Variants in DNAJA1 observed in about 807,000 individuals in gnomAD.
DNAJA1 encodes the protein dnaJ homolog subfamily A member 1.
DNAJA1 carries 26 observed loss-of-function variants against 47.6 expected under a neutral mutation model. The observed-to-expected ratio is 0.55, with a 90% CI of 0.40 to 0.76. The LOEUF (loss-of-function observed/expected upper bound fraction) is 0.76, where lower values mean the gene tolerates loss of function less well. Among genes scored for constraint, DNAJA1 ranks in the 30% least tolerant of loss-of-function variants. The pLI, the probability that DNAJA1 is intolerant of heterozygous loss-of-function variation, is 0.00. For synonymous variants in DNAJA1, 165 were observed against 158.4 expected, an observed-to-expected ratio of 1.04 and a Z score of -0.31; for missense variants, 315 against 485.0, an observed-to-expected ratio of 0.65 and a Z score of 3.29.
chr9:33,033,334 A>AG (rs1360233144), intron 5 of DNAJA1, among the ~76,000 whole-genome samples: 1 of 152,066 alleles, frequency 6.6e-6, no homozygotes, highest in Non-Finnish European at 1.5e-5. Context: ...TGCTATCCTC[A>AG]GGGTATCCTC....
intron 5 of DNAJA1, among the ~76,000 whole-genome samples, chr9:33,032,652 A>G (rs1007273379): frequency 1.3e-5 from 2 of 152,230 alleles, no homozygotes; most frequent in Admixed American, 1.3e-4. Flanking sequence ...TGTATTCAGG[A>G]AAACCTAGCT....
chr9:33,032,668 T>A (rs577124540), intron 5 of DNAJA1, among the ~76,000 whole-genome samples: 15 of 152,350 alleles, frequency 9.8e-5, no homozygotes, highest in African/African-American at 3.6e-4. Flanking sequence ...TAGCTGAGTT[T>A]AATTGCTTCC....
At chr9:33,032,761 T>G (rs1046746271) in intron 5 of DNAJA1, among the ~76,000 whole-genome samples, 2 of 152,222 alleles carry the variant, frequency 1.3e-5, no homozygotes, top group Non-Finnish European at 2.9e-5. Flanking sequence ...TGATAGCGCT[T>G]TAAGTCCTTA....
Position 33,037,007 on chromosome 9 carries a change from G to A in DNAJA1, c.875-8G>A, listed in dbSNP as rs1564015075. On this transcript the variant is annotated splice_region_variant and splice_polypyrimidine_tract_variant and intron_variant, in intron 7 of 8. Coordinates refer to ENST00000330899, the MANE Select transcript of DNAJA1 (RefSeq NM_001539.4). ...ACTTAAGGAAGAACTTGGCTTCAAT[G>A]TTTTTAGGTCAGATTGTCAAGCATG... 6.2e-7 allele frequency: 1 copy of A among 1,603,116 alleles called. No homozygotes were observed. The highest frequency in any genetic ancestry group is 2.2e-5 in the East Asian group (1 of 44,804).
chr9:33,035,494 A>G (rs1022004490), intron 6 of DNAJA1, among the ~76,000 whole-genome samples: 1 of 151,994 alleles, frequency 6.6e-6, no homozygotes, highest in Non-Finnish European at 1.5e-5. Flanking sequence ...TTTGAGATGC[A>G]GTTTCGCTCA....
chr9:33,025,811 T>TC (rs1173819156), intron 1 of DNAJA1, among the ~76,000 whole-genome samples: 1 of 152,114 alleles, frequency 6.6e-6, no homozygotes, highest in African/African-American at 2.4e-5. Flanking sequence ...TTTCTCTGTT[T>TC]CCCCTCCCTT....
At chr9:33,026,756 T>A (rs1838870894) in intron 2 of DNAJA1, 57 bp from the exon 3 acceptor site, 1 of 1,593,634 alleles carries the variant, frequency 6.3e-7, no homozygotes, top group African/African-American at 1.4e-5. Context: ...AAGTGTAATG[T>A]AGCTAGGTAA....
chr9:33,035,799 A>C (rs541300313), intron 6 of DNAJA1, among the ~76,000 whole-genome samples: 1 of 152,248 alleles, frequency 6.6e-6, no homozygotes, highest in Non-Finnish European at 1.5e-5. Flanking sequence ...GGGTTGGAAA[A>C]GGAAAGTCTA....
chr9:33,026,544 A>G lies in DNAJA1; in HGVS notation c.60A>G (p.Glu20=), dbSNP rs368912664. 27 of 1,611,612 alleles carry G rather than the reference A, an allele frequency of 1.7e-5. No homozygotes were observed. Among genetic ancestry groups the G allele is most frequent in the Non-Finnish European group, 2.3e-5 (27 of 1,179,514 alleles). Residue 20 remains glutamate (E), a synonymous_variant, in exon 2 of 9, where the codon GAA becomes GAG. Transcript: ENST00000330899. The part of the protein sequence containing the change: ...VLGVKPNATQ[E]ELKKAYRKLA... The stretch of plus-strand genomic sequence containing the variant: ...GGGTCAAACCCAATGCTACTCAGGA[A>G]GAATTGAAAAAGGCTTATAGGAAAC...
At chr9:33,029,741 T>G in intron 3 of DNAJA1, 144 bp from the exon 4 acceptor site, 1 of 530,592 alleles carries the variant, frequency 1.9e-6, no homozygotes, top group Non-Finnish European at 3.2e-6. Context: ...AACGTGAACA[T>G]TCTGTGTATA....
intron 5 of DNAJA1, among the ~76,000 whole-genome samples, chr9:33,033,010 G>C (rs1430875956): frequency 1.3e-5 from 2 of 152,098 alleles, no homozygotes; most frequent in African/African-American, 4.8e-5. Flanking sequence ...TAGGTAACCA[G>C]AGTGATCTTG....
At chr9:33,035,392 C>T (rs947618869) in intron 6 of DNAJA1, among the ~76,000 whole-genome samples, 4 of 151,084 alleles carry the variant, frequency 2.6e-5, no homozygotes, top group Admixed American at 2.6e-4. Context: ...TTACAAATGT[C>T]TGAAGATAAT....
In DNAJA1 at chr9:33,038,917, A is replaced by G. The variant is rs1311169512; in HGVS notation, c.*14A>G. On this transcript the variant is annotated 3_prime_UTR_variant, in exon 9 of 9. Transcript: ENST00000330899. Reference sequence around the variant, plus strand: ...CAGACCTCTTAATGGGCCAGTGAATAACACTCACTGCTGGCATTTAATGTG... The same window carrying G: ...CAGACCTCTTAATGGGCCAGTGAATGACACTCACTGCTGGCATTTAATGTG... The G allele has an allele frequency of 1.3e-6, 2 of 1,597,054 alleles. No individual in the cohort carries two copies.
At chr9:33,031,579 G>A (rs1366274480) in intron 5 of DNAJA1, among the ~76,000 whole-genome samples, 2 of 151,988 alleles carry the variant, frequency 1.3e-5, no homozygotes, top group East Asian at 3.9e-4. Flanking sequence ...CTACAGGTGT[G>A]CACCACCACA....
At position 33,034,520 on chromosome 9, in the gene DNAJA1, A is replaced by C. The variant is rs111286391; in HGVS notation, c.758+190A>C. Among the ~76,000 whole-genome samples the C allele has an allele frequency of 4.3e-3, 652 of 152,306 alleles. 3 individuals carry two copies. The highest frequency in any genetic ancestry group is 0.015 in the African/African-American group (624 of 41,566). ...ATCAGATTTTTAGCTTTTTGTCTCT[A>C]AGTATGGAACGTTGAAAATGTGTTT... On this transcript the variant is annotated intron_variant, in intron 6 of 8. Transcript: ENST00000330899.
At chr9:33,036,165 A>T (rs1343035106) in intron 6 of DNAJA1, 1 of 152,530 alleles carries the variant, frequency 6.6e-6, no homozygotes, top group African/African-American at 2.4e-5. Context: ...GCTGGTCTTG[A>T]ACTTCAGACC....
intron 1 of DNAJA1, among the ~76,000 whole-genome samples, chr9:33,026,135 A>G (rs934370823): frequency 2.0e-5 from 3 of 152,230 alleles, no homozygotes; most frequent in East Asian, 1.9e-4. Context: ...TAGACTGAAC[A>G]TATCAGTGCT....
chr9:33,032,097 C>A (rs1035334814), intron 5 of DNAJA1, among the ~76,000 whole-genome samples: 1 of 152,204 alleles, frequency 6.6e-6, no homozygotes, highest in Admixed American at 6.5e-5. Flanking sequence ...TACTATTATA[C>A]TGTACTGTGG....
intron 8 of DNAJA1, 43 bp from the exon 9 acceptor site, chr9:33,038,642 C>A: frequency 6.4e-7 from 1 of 1,569,696 alleles, no homozygotes; most frequent in South Asian, 1.1e-5. Flanking sequence ...TCTAAGGGAG[C>A]TAATGATGAA....
Sources: gnomAD v4.1 joint callset for allele counts (sites outside exome capture counted in the v4.1 genomes callset) on GRCh38, gnomAD v4.1.1 for gene constraint, MANE v1.5 for transcripts, NCBI Gene and HGNC (gene_info 2026-07-23, HGNC 2026-07-21) for gene names.